The following PCDHGB7 variants were observed in gnomAD, a reference collection of about 807,000 sequenced individuals.
PCDHGB7 encodes the protein protocadherin gamma subfamily B, 7, also known as protocadherin gamma-B7.
Under a neutral mutation model 61.4 loss-of-function variants are expected in PCDHGB7, and 37 were observed. The ratio of observed to expected loss-of-function variants is 0.60; its 90% CI spans 0.46 to 0.79. The LOEUF (loss-of-function observed/expected upper bound fraction) is 0.79, where lower values mean the gene tolerates loss of function less well. PCDHGB7 is among the 30% of genes least tolerant of loss of function. The probability of loss-of-function intolerance (pLI) is 0.00; values close to 1 mark genes in which losing one functional copy is unlikely to be tolerated. For synonymous variants in PCDHGB7, 464 were observed against 503.5 expected, an observed-to-expected ratio of 0.92 and a Z score of 1.05; for missense variants, 1,166 against 1,202.5, an observed-to-expected ratio of 0.97 and a Z score of 0.45.
intron 1 of PCDHGB7, among the ~76,000 whole-genome samples, chr5:141,445,180 GT>G (rs745433969): frequency 6.6e-6 from 1 of 152,148 alleles, no homozygotes; most frequent in Non-Finnish European, 1.5e-5. Flanking sequence ...GAAAAACTAT[GT>G]TTTTATGTAT....
At chr5:141,494,355 G>T (rs910437011) in intron 1 of PCDHGB7, among the ~76,000 whole-genome samples, 4 of 152,234 alleles carry the variant, frequency 2.6e-5, no homozygotes, top group African/African-American at 9.6e-5. Flanking sequence ...CCATCTTGCT[G>T]CAGAGGATGC....
At chr5:141,423,177 C>T (rs748689237) in intron 1 of PCDHGB7, 3 of 1,613,430 alleles carry the variant, frequency 1.9e-6, no homozygotes, top group Non-Finnish European at 2.5e-6. Context: ...TCCAGGACCA[C>T]GGCCAGCCCC....
At chr5:141,475,895 C>A (rs2099379056) in intron 1 of PCDHGB7, 1 of 568,558 alleles carries the variant, frequency 1.8e-6, no homozygotes, top group African/African-American at 1.9e-5. Context: ...ACTCTGTGTG[C>A]CGCTGTCGGC....
intron 1 of PCDHGB7, chr5:141,423,675 T>C: frequency 1.3e-6 from 2 of 1,540,488 alleles, no homozygotes; most frequent in Non-Finnish European, 1.7e-6. Flanking sequence ...GATTTATTTC[T>C]CTGCCTCCTA....
chr5:141,486,578 C>A lies in PCDHGB7; in HGVS notation c.2416-8229C>A, dbSNP rs780578882. 5 of 1,613,610 alleles carry A rather than the reference C, an allele frequency of 3.1e-6. No homozygotes were observed. In the Admixed American group the frequency reaches 6.7e-5, roughly 22 times the overall value. On this transcript the variant is annotated intron_variant, in intron 1 of 3. Coordinates refer to ENST00000398594, the MANE Select transcript of PCDHGB7 (RefSeq NM_018927.4). The surrounding 1 kb of genome is among the most constrained non-coding windows in gnomAD (Gnocchi z 5.0). Reference sequence around the variant, plus strand: ...TGAGGTGTTTGTTCCTGAGAACAATCGCCCAGGGGACCTGCTTTGCTCCCT... The same window carrying A: ...TGAGGTGTTTGTTCCTGAGAACAATAGCCCAGGGGACCTGCTTTGCTCCCT...
At chr5:141,488,189 T>G (rs574621860) in intron 1 of PCDHGB7, among the ~76,000 whole-genome samples, 2 of 152,316 alleles carry the variant, frequency 1.3e-5, no homozygotes, top group Non-Finnish European at 2.9e-5. Context: ...TCTTTTGGTC[T>G]GGGTCTTAGG....
intron 1 of PCDHGB7, among the ~76,000 whole-genome samples, chr5:141,481,065 A>AAAAG (rs1476331686): frequency 6.6e-6 from 1 of 152,164 alleles, no homozygotes; most frequent in African/African-American, 2.4e-5. Context: ...CTCAAAAACA[A>AAAAG]AAAGAAAGAA....
rs986717136 is a variant in PCDHGB7, at chr5:141,418,646, A to C, written c.787A>C (p.Arg263=). The change falls in exon 1 of 4, where the codon AGA becomes CGA. Residue 263 remains arginine, a synonymous_variant. Transcript: ENST00000398594. ...EDVPPGTSIL[R]VKATDQDEGI... ...CGTGCCTCCAGGCACCTCCATCCTGAGAGTGAAGGCCACTGACCAGGACGA... is the reference window on the plus strand; with the variant it reads ...CGTGCCTCCAGGCACCTCCATCCTGCGAGTGAAGGCCACTGACCAGGACGA... The C allele has an allele frequency of 1.2e-6, 2 of 1,614,010 alleles. No individual in the cohort carries two copies. Among genetic ancestry groups the C allele is most frequent in the Admixed American group, 3.3e-5 (2 of 60,028 alleles).
chr5:141,423,985 C>T (rs1334591897), intron 1 of PCDHGB7: 2 of 1,100,512 alleles, frequency 1.8e-6, no homozygotes, highest in Non-Finnish European at 2.2e-6. Flanking sequence ...ATGAGGCTCT[C>T]AATTTATTAT....
chr5:141,508,077 G>T (rs1166570509), intron 3 of PCDHGB7: 1 of 152,446 alleles, frequency 6.6e-6, no homozygotes, highest in Non-Finnish European at 1.5e-5. Context: ...GGCTACTCTG[G>T]AGTTGCTGCC....
Position 141,432,741 on chromosome 5 carries a change from C to A in PCDHGB7, c.2415+12467C>A. 6.2e-7 allele frequency: 1 copy of A among 1,614,106 alleles called. No individual in the cohort carries two copies. The highest frequency in any genetic ancestry group is 8.5e-7 in the Non-Finnish European group (1 of 1,179,988). On this transcript the variant is annotated intron_variant, in intron 1 of 3. Transcript: ENST00000398594. The surrounding 1 kb of genome is among the most constrained non-coding windows in gnomAD (Gnocchi z 6.0). ...CCTCTCTCCGCCACTGTCACGCTCA[C>A]CGTGGCCGTGGCCGACAGCATCCCC...
At chr5:141,480,927 C>T (rs1562083028) in intron 1 of PCDHGB7, among the ~76,000 whole-genome samples, 1 of 152,090 alleles carries the variant, frequency 6.6e-6, no homozygotes, top group Non-Finnish European at 1.5e-5. Context: ...TACCTGTAGT[C>T]CCAGCTACTC....
At chr5:141,442,895 A>G (rs1381559903) in intron 1 of PCDHGB7, among the ~76,000 whole-genome samples, 5 of 152,182 alleles carry the variant, frequency 3.3e-5, no homozygotes, top group African/African-American at 1.2e-4. Context: ...CCTGCTTATC[A>G]CTTCTCCTTC....
chr5:141,507,846 T>G (rs892503210), intron 3 of PCDHGB7, among the ~76,000 whole-genome samples: 1 of 152,134 alleles, frequency 6.6e-6, no homozygotes, highest in African/African-American at 2.4e-5. Context: ...CAGGCCCTGC[T>G]CTCACTTTCA....
intron 1 of PCDHGB7, chr5:141,421,426 A>T: frequency 1.2e-6 from 2 of 1,614,104 alleles, no homozygotes; most frequent in Non-Finnish European, 8.5e-7. Flanking sequence ...CGGAGTCCGC[A>T]TCGTCTCCAG....
chr5:141,475,951 G>A, intron 1 of PCDHGB7: 4 of 766,902 alleles, frequency 5.2e-6, no homozygotes, highest in South Asian at 1.9e-5. Flanking sequence ...CCCTTTCTGC[G>A]CCCCGGGATG....
intron 1 of PCDHGB7, among the ~76,000 whole-genome samples, chr5:141,462,990 A>T (rs181384059): frequency 1.8e-3 from 278 of 152,244 alleles, no homozygotes; most frequent in Non-Finnish European, 3.4e-3. Context: ...GCCTTGGGCT[A>T]ATTTAGACCT....
chr5:141,430,643 T>G (rs1432236231), intron 1 of PCDHGB7: 16 of 946,950 alleles, frequency 1.7e-5, no homozygotes, highest in South Asian at 2.5e-5. Flanking sequence ...CCTGGGAGTA[T>G]GTGGAAACAA....
At chr5:141,501,036 T>C (rs893597004) in intron 2 of PCDHGB7, among the ~76,000 whole-genome samples, 4 of 151,702 alleles carry the variant, frequency 2.6e-5, no homozygotes, top group Non-Finnish European at 4.4e-5. Flanking sequence ...GCCCAGCTAA[T>C]TTTTGTATTT....
Sources: allele counts gnomAD v4.1 joint callset (sites outside exome capture counted in the v4.1 genomes callset), GRCh38; gene constraint gnomAD v4.1.1; non-coding constraint Gnocchi (gnomAD v3.1); transcripts MANE v1.5; gene names NCBI Gene and HGNC (gene_info 2026-07-23, HGNC 2026-07-21).